Variants in RIMS1 observed in about 807,000 individuals in gnomAD.
RIMS1 encodes regulating synaptic membrane exocytosis 1.
In RIMS1, 83 loss-of-function variants were observed where a neutral mutation model predicts 214.1. The ratio of observed to expected loss-of-function variants is 0.39; its 90% CI spans 0.32 to 0.47. The LOEUF is 0.47. Among genes scored for constraint, RIMS1 ranks in the 20% least tolerant of loss-of-function variants. RIMS1 has a pLI of 0.99. For missense variants in RIMS1, 2,050 were observed against 2,161.8 expected (o/e 0.95, Z 1.03); for synonymous variants, 793 against 786.8 (o/e 1.01, Z -0.13).
intron 27 of RIMS1, among the ~76,000 whole-genome samples, chr6:72,311,633 A>G (rs1481951100): frequency 1.3e-5 from 2 of 152,206 alleles, no homozygotes; most frequent in Non-Finnish European, 2.9e-5. Flanking sequence ...CTAATTGTAT[A>G]TATATCCTAT....
chr6:71,933,719 A>C (rs867379272), intron 1 of RIMS1, among the ~76,000 whole-genome samples: 84 of 82,740 alleles, frequency 1.0e-3, no homozygotes, highest in Non-Finnish European at 1.7e-3. Flanking sequence ...CACACACACA[A>C]GTTGTATTAA....
rs1290824755 is a variant in RIMS1, at chr6:72,240,942, G to A, written c.1958-1372G>A. ...GAGGCAGGAGGATCGCTTGAACCTG[G>A]GAGGCGGAGGTTGCAGTGAGCCGAG... On this transcript the variant is annotated intron_variant, in intron 9 of 33. Coordinates refer to ENST00000521978, the MANE Select transcript of RIMS1 (RefSeq NM_014989.7). Among the ~76,000 whole-genome samples, 5 of 152,178 alleles carry A rather than the reference G, an allele frequency of 3.3e-5. No homozygotes were observed. In the East Asian group the frequency reaches 9.6e-4, roughly 29 times the overall value.
chr6:72,386,513 A>G (rs955740242), intron 29 of RIMS1, among the ~76,000 whole-genome samples: 1 of 151,968 alleles, frequency 6.6e-6, no homozygotes, highest in Admixed American at 6.6e-5. Context: ...CACAGCCACC[A>G]TTACTCACAG....
intron 1 of RIMS1, among the ~76,000 whole-genome samples, chr6:71,965,869 G>A (rs997331104): frequency 2.6e-5 from 4 of 152,198 alleles, no homozygotes; most frequent in African/African-American, 7.2e-5. Flanking sequence ...CTTATGTCGG[G>A]CTGAAGGAGT....
chr6:72,375,903 G>A (rs144210881), intron 29 of RIMS1, among the ~76,000 whole-genome samples: 52 of 152,224 alleles, frequency 3.4e-4, no homozygotes, highest in African/African-American at 1.2e-3. Flanking sequence ...TAATAAAATG[G>A]AAATGGAATA....
intron 4 of RIMS1, among the ~76,000 whole-genome samples, chr6:72,163,008 G>A (rs910165910): frequency 0.07 from 8,569 of 122,636 alleles, 992 homozygotes; most frequent in South Asian, 0.1. Flanking sequence ...CATGCTCCCC[G>A]TGACTTTCAG....
chr6:72,327,189 C>A (rs2154330955), intron 28 of RIMS1, among the ~76,000 whole-genome samples: 1 of 151,840 alleles, frequency 6.6e-6, no homozygotes, highest in African/African-American at 2.4e-5. Context: ...CTGATGGCAT[C>A]TTTGATTTGG....
chr6:72,013,386 A>C (rs902080604), intron 2 of RIMS1, among the ~76,000 whole-genome samples: 1 of 152,228 alleles, frequency 6.6e-6, no homozygotes, highest in Non-Finnish European at 1.5e-5. Context: ...CATCTTTTGA[A>C]TGTCCAGTGT....
intron 29 of RIMS1, among the ~76,000 whole-genome samples, chr6:72,380,196 A>G (rs572470493): frequency 3.1e-4 from 47 of 152,256 alleles, no homozygotes; most frequent in African/African-American, 1.1e-3. Context: ...GAATTGAACA[A>G]TGGGAACACT....
intron 2 of RIMS1, among the ~76,000 whole-genome samples, chr6:72,000,967 T>C (rs2151725185): frequency 6.6e-6 from 1 of 152,290 alleles, no homozygotes; most frequent in South Asian, 2.1e-4. Flanking sequence ...GTACATTCTG[T>C]CAACTAAATA....
At chr6:72,290,653 G>A (rs552638689) in intron 24 of RIMS1, 26 bp from the exon 25 acceptor site, 4 of 1,601,862 alleles carry the variant, frequency 2.5e-6, no homozygotes, top group Non-Finnish European at 3.4e-6. Context: ...GCTGACTGAA[G>A]ATCTTTTTTG....
In RIMS1 at chr6:72,251,278, C is replaced by T. The variant is rs376554507; in HGVS notation, c.2608C>T (p.His870Tyr). The change falls in exon 15 of 34, where the codon CAT becomes TAT. Residue 870 changes from histidine to tyrosine, a missense_variant. His to Tyr is a moderately conservative substitution (Grantham distance 83, BLOSUM62 2). This residue lies in a region of RIMS1 where 889 missense variants were observed against 885.5 expected (regional missense o/e 1.00). Transcript: ENST00000521978. ...DEPHWYKLQTHDESSLPLPQP... is the reference protein window; with the variant it reads ...DEPHWYKLQTYDESSLPLPQP... ...ACCGCATTGGTATAAACTTCAGACA[C>T]ATGATGAGTCTTCACTACCTCTGCC... 1.3e-6 allele frequency: 2 copies of T among 1,598,590 alleles called. No individual in the cohort carries two copies. Among genetic ancestry groups the T allele is most frequent in the Non-Finnish European group, 1.7e-6 (2 of 1,171,720 alleles).
At chr6:72,010,752 C>T (rs1165896079) in intron 2 of RIMS1, among the ~76,000 whole-genome samples, 2 of 152,004 alleles carry the variant, frequency 1.3e-5, no homozygotes, top group Admixed American at 1.3e-4. Flanking sequence ...AATAAAATAC[C>T]TAGGAATCCA....
intron 3 of RIMS1, among the ~76,000 whole-genome samples, chr6:72,099,314 C>A (rs2032926142): frequency 6.6e-6 from 1 of 152,224 alleles, no homozygotes; most frequent in African/African-American, 2.4e-5. Context: ...CTAAACCCAT[C>A]CAATCTTGGA....
chr6:72,228,482 T>C (rs939381071), intron 6 of RIMS1, among the ~76,000 whole-genome samples: 2 of 151,940 alleles, frequency 1.3e-5, no homozygotes, highest in Non-Finnish European at 2.9e-5. Flanking sequence ...GTTTCATCCA[T>C]GTTGTCAAAA....
At chr6:72,092,905 G>A (rs1179485105) in intron 2 of RIMS1, among the ~76,000 whole-genome samples, 1 of 152,074 alleles carries the variant, frequency 6.6e-6, no homozygotes, top group African/African-American at 2.4e-5. Flanking sequence ...TGACCAACTA[G>A]AAAAGGAATA....
chr6:72,259,987 C>T (rs1003777393), intron 18 of RIMS1, among the ~76,000 whole-genome samples: 1 of 152,162 alleles, frequency 6.6e-6, no homozygotes, highest in Non-Finnish European at 1.5e-5. Context: ...TGGAAAGTAG[C>T]GTTGTGACCT....
At chr6:72,361,787 C>T (rs1447255714) in intron 29 of RIMS1, among the ~76,000 whole-genome samples, 2 of 152,162 alleles carry the variant, frequency 1.3e-5, no homozygotes, top group African/African-American at 4.8e-5. Flanking sequence ...CTTCTGCCTC[C>T]CTCTTCCTCT....
At chr6:72,216,484 CAATT>C (rs1282452134) in intron 6 of RIMS1, 2 of 985,302 alleles carry the variant, frequency 2.0e-6, no homozygotes, top group Non-Finnish European at 2.4e-6. Flanking sequence ...TCCCAACAAT[CAATT>C]GTGTATACTC....
Sources: allele counts gnomAD v4.1 joint callset (sites outside exome capture counted in the v4.1 genomes callset), GRCh38; gene constraint gnomAD v4.1.1; regional missense constraint gnomAD v4.1.1; transcripts MANE v1.5; gene names NCBI Gene and HGNC (gene_info 2026-07-23, HGNC 2026-07-21).